PCDH7: variants seen among roughly 807,000 people sequenced by gnomAD.
PCDH7 encodes the protein protocadherin-7.
In PCDH7, 17 loss-of-function variants were observed where a neutral mutation model predicts 58.9. The ratio of observed to expected loss-of-function variants is 0.29; its 90% confidence interval spans 0.20 to 0.43. The LOEUF is 0.43. PCDH7 is among the 20% of genes least tolerant of loss of function. The pLI, the probability that PCDH7 is intolerant of heterozygous loss-of-function variation, is 1.00. For missense variants in PCDH7, 1,274 were observed against 1,441.0 expected (o/e 0.88, Z 1.88); for synonymous variants, 664 against 616.4 (o/e 1.08, Z -1.14).
At chr4:30,822,079 A>G (rs144229660) in intron 1 of PCDH7, among the ~76,000 whole-genome samples, 2 of 152,104 alleles carry the variant, frequency 1.3e-5, no homozygotes, top group Non-Finnish European at 2.9e-5. Context: ...TGGCACAGAC[A>G]TAGTAAGTCC....
At chr4:31,010,072 G>A (rs1421405923) in intron 3 of PCDH7, among the ~76,000 whole-genome samples, 2 of 151,826 alleles carry the variant, frequency 1.3e-5, no homozygotes, top group Non-Finnish European at 2.9e-5. Context: ...ATGCCTTGTG[G>A]GTATAAACCT....
intron 3 of PCDH7, among the ~76,000 whole-genome samples, chr4:31,008,452 C>T (rs1752948150): frequency 1.3e-5 from 2 of 152,080 alleles, no homozygotes; most frequent in South Asian, 2.1e-4. Context: ...GTTTGTTTTT[C>T]AATTCATGAA....
At chr4:31,074,208 A>T (rs1186760053) in intron 3 of PCDH7, among the ~76,000 whole-genome samples, 1 of 151,420 alleles carries the variant, frequency 6.6e-6, no homozygotes, top group African/African-American at 2.4e-5. Context: ...CTTCTTACTT[A>T]TATGTTTATT....
chr4:30,834,280 T>G (rs1454273089), intron 1 of PCDH7, among the ~76,000 whole-genome samples: 1 of 152,264 alleles, frequency 6.6e-6, no homozygotes, highest in East Asian at 1.9e-4. Context: ...TTCTTAATAA[T>G]TTTTGAACAA....
At chr4:30,784,605 A>G (rs183523638) in intron 1 of PCDH7, among the ~76,000 whole-genome samples, 46 of 152,274 alleles carry the variant, frequency 3.0e-4, no homozygotes, top group African/African-American at 1.0e-3. Context: ...TTTGACACCT[A>G]TAATTTCCTA....
rs747146201 is a variant in PCDH7, at chr4:30,723,513, A to C, written c.2091A>C (p.Thr697=). The stretch of plus-strand genomic sequence containing the variant: ...ATGACACGGGGACCATTTACTCCAC[A>C]ATGTCTTTTGACCGGGAACATCAGA... Residue 697 remains threonine (T), a synonymous_variant, in exon 1 of 2, where the codon ACA becomes ACC. Coordinates refer to ENST00000361762, the Ensembl canonical transcript of PCDH7. This position sits in a 1 kb window ranked among gnomAD's most constrained non-coding sequence, Gnocchi z 4.6. The C allele has an allele frequency of 1.2e-6, 2 of 1,614,178 alleles. No individual in the cohort carries two copies. The highest frequency in any genetic ancestry group is 2.2e-5 in the South Asian group (2 of 91,080).
chr4:31,036,402 T>C (rs1755418177), intron 3 of PCDH7, among the ~76,000 whole-genome samples: 1 of 152,094 alleles, frequency 6.6e-6, no homozygotes, highest in African/African-American at 2.4e-5. Context: ...GCCAGGCTGG[T>C]CTCAAACTCC....
chr4:30,729,053 G>A (rs539295033), intron 1 of PCDH7, among the ~76,000 whole-genome samples: 1 of 151,650 alleles, frequency 6.6e-6, no homozygotes. Flanking sequence ...TCACATTTTA[G>A]AATTACAAGG....
intron 3 of PCDH7, among the ~76,000 whole-genome samples, chr4:31,086,705 T>G (rs1712487181): frequency 6.6e-6 from 1 of 152,180 alleles, no homozygotes; most frequent in African/African-American, 2.4e-5. Context: ...TAAATATGTA[T>G]TCATGGCATC....
intron 3 of PCDH7, among the ~76,000 whole-genome samples, chr4:30,952,481 A>T (rs1747456739): frequency 6.6e-6 from 1 of 152,186 alleles, no homozygotes; most frequent in South Asian, 2.1e-4. Context: ...GAAAAAAAAA[A>T]TCTTTGAGAA....
At chr4:30,941,818 G>T (rs1003191222) in intron 2 of PCDH7, among the ~76,000 whole-genome samples, 1 of 151,852 alleles carries the variant, frequency 6.6e-6, no homozygotes, top group Non-Finnish European at 1.5e-5. Context: ...CTAGATATGT[G>T]TGCTAGGTGG....
chr4:30,724,403 G>C, exon 1 of PCDH7: 1 of 1,613,988 alleles, frequency 6.2e-7, no homozygotes, highest in Non-Finnish European at 8.5e-7. Flanking sequence ...GACCTGGCAA[G>C]GCATTACAAA....
At chr4:30,890,229 A>G (rs531302598) in intron 1 of PCDH7, among the ~76,000 whole-genome samples, 2 of 152,278 alleles carry the variant, frequency 1.3e-5, no homozygotes, top group Admixed American at 1.3e-4. Flanking sequence ...AAATGAAATC[A>G]CTGTCAAAGC....
chr4:30,879,494 G>T lies in PCDH7; in HGVS notation c.71-40659G>T, dbSNP rs535826443. On this transcript the variant is annotated intron_variant, in intron 1 of 3. Transcript: ENST00000509759. ...TAAGCCCCAAATTCTTACCGTTTAC[G>T]TGACAGTATCCTTGAAACTTTATAA... 5.3e-5 allele frequency among the ~76,000 whole-genome samples: 8 copies of T among 151,726 alleles called. No individual in the cohort carries two copies. The South Asian group carries it at 8.3e-4, about 16-fold the overall frequency.
At chr4:30,759,602 G>GA (rs1328363613) in intron 1 of PCDH7, among the ~76,000 whole-genome samples, 1 of 151,790 alleles carries the variant, frequency 6.6e-6, no homozygotes, top group Admixed American at 6.6e-5. Context: ...TGTGTGAAAA[G>GA]AAAAAAATCT....
intron 1 of PCDH7, among the ~76,000 whole-genome samples, chr4:30,745,997 A>T (rs1459057476): frequency 6.6e-6 from 1 of 151,882 alleles, no homozygotes; most frequent in Non-Finnish European, 1.5e-5. Context: ...GCACCACCAC[A>T]TCTGGCTAAT....
At chr4:30,724,737 C>T in intron 1 of PCDH7, 141 bp downstream of exon 1, 1 of 1,447,126 alleles carries the variant, frequency 6.9e-7, no homozygotes, top group Non-Finnish European at 9.1e-7. Flanking sequence ...AATTTTTGCA[C>T]CATTAATTTA....
At chr4:31,031,567 A>G (rs1754919632) in intron 3 of PCDH7, among the ~76,000 whole-genome samples, 3 of 152,222 alleles carry the variant, frequency 2.0e-5, no homozygotes, top group Admixed American at 1.3e-4. Context: ...TTGATGTCAG[A>G]TTAAAGAATT....
intron 3 of PCDH7, among the ~76,000 whole-genome samples, chr4:31,062,377 T>G (rs1421138865): frequency 6.6e-6 from 1 of 151,806 alleles, no homozygotes; most frequent in Non-Finnish European, 1.5e-5. Context: ...ATATAGATGC[T>G]AAGATTTGGG....
Sources: gnomAD v4.1 joint callset for allele counts (sites outside exome capture counted in the v4.1 genomes callset) on GRCh38, gnomAD v4.1.1 for gene constraint, Gnocchi (gnomAD v3.1) non-coding constraint, MANE v1.5 for transcripts, NCBI Gene and HGNC (gene_info 2026-07-23, HGNC 2026-07-21) for gene names.